MDFIC2: variants seen among roughly 807,000 people sequenced by gnomAD.
The protein encoded by MDFIC2 is myoD family inhibitor domain-containing protein 2.
chr3:70,254,895 T>C (rs1264337649), intron 2 of MDFIC2, among the ~76,000 whole-genome samples: 1 of 152,232 alleles, frequency 6.6e-6, no homozygotes, highest in African/African-American at 2.4e-5. Flanking sequence ...ATTGTCATTG[T>C]ATTTCCTTTT....
rs1235603639 is a variant in MDFIC2, at chr3:70,238,065, C to T, written c.89-31275G>A. On this transcript the variant is annotated intron_variant, in intron 2 of 3. Transcript: ENST00000567252. ...TGTACTTTATAGTGACGAACCTATT[C>T]TTTATACCTTGAGTGGAAATGGCTT... Among the ~76,000 whole-genome samples, 13 of 127,012 alleles carry T rather than the reference C, an allele frequency of 1.0e-4. 1 individual carries two copies. The South Asian group carries it at 3.5e-3, about 34-fold the overall frequency. 83.3% of individuals were successfully genotyped at this position (127,012 alleles called of 152,430 possible).
At chr3:70,266,338 G>A (rs888565342) in intron 2 of MDFIC2, among the ~76,000 whole-genome samples, 8 of 151,790 alleles carry the variant, frequency 5.3e-5, no homozygotes, top group South Asian at 2.1e-4. Context: ...AACTGTAATC[G>A]TTATTAAATA....
intron 2 of MDFIC2, among the ~76,000 whole-genome samples, chr3:70,274,763 T>G (rs980707408): frequency 4.6e-5 from 7 of 152,076 alleles, no homozygotes. Context: ...TTAAAACAAA[T>G]ATAAAAATAT....
At chr3:70,215,260 C>T (rs1701395380) in intron 2 of MDFIC2, among the ~76,000 whole-genome samples, 1 of 152,086 alleles carries the variant, frequency 6.6e-6, no homozygotes, top group East Asian at 1.9e-4. Flanking sequence ...GATTACCCCG[C>T]TGGTAAGGGG....
At chr3:70,214,477 G>A (rs1333857013) in intron 2 of MDFIC2, among the ~76,000 whole-genome samples, 3 of 151,996 alleles carry the variant, frequency 2.0e-5, no homozygotes, top group Non-Finnish European at 4.4e-5. Flanking sequence ...AGAAATAATA[G>A]AAGTGAGTGT....
chr3:70,310,154 G>GA (rs1201553719), intron 2 of MDFIC2, among the ~76,000 whole-genome samples: 1 of 151,828 alleles, frequency 6.6e-6, no homozygotes, highest in Non-Finnish European at 1.5e-5. Flanking sequence ...CTATTTAAAA[G>GA]ACCTTTTCAA....
intron 2 of MDFIC2, among the ~76,000 whole-genome samples, chr3:70,251,422 A>T (rs1347001011): frequency 1.3e-5 from 2 of 152,206 alleles, no homozygotes; most frequent in Non-Finnish European, 2.9e-5. Flanking sequence ...GGTTACAGAT[A>T]TATCAGGTAT....
At chr3:70,242,908 G>A (rs990727033) in intron 2 of MDFIC2, among the ~76,000 whole-genome samples, 4 of 152,116 alleles carry the variant, frequency 2.6e-5, no homozygotes, top group Non-Finnish European at 4.4e-5. Context: ...TGGCAGGGGT[G>A]TCTAGGCAGG....
chr3:70,216,308 T>C (rs1378330174), intron 2 of MDFIC2, among the ~76,000 whole-genome samples: 1 of 150,354 alleles, frequency 6.7e-6, no homozygotes, highest in Non-Finnish European at 1.5e-5. Context: ...ATACTACATA[T>C]TCTAATTATA....
At chr3:70,230,049 T>C (rs1255268277) in intron 2 of MDFIC2, among the ~76,000 whole-genome samples, 1 of 152,176 alleles carries the variant, frequency 6.6e-6, no homozygotes, top group African/African-American at 2.4e-5. Flanking sequence ...TTAGATGCTG[T>C]TGCTGCCATC....
At chr3:70,262,806 T>C (rs1701879355) in intron 2 of MDFIC2, among the ~76,000 whole-genome samples, 1 of 152,130 alleles carries the variant, frequency 6.6e-6, no homozygotes, top group African/African-American at 2.4e-5. Flanking sequence ...ATGTTCCATC[T>C]CTCTCCTCTC....
intron 2 of MDFIC2, among the ~76,000 whole-genome samples, chr3:70,274,745 C>A (rs1224697945): frequency 6.6e-6 from 1 of 152,076 alleles, no homozygotes; most frequent in Non-Finnish European, 1.5e-5. Context: ...GCACATGTAC[C>A]TTGGAACTTA....
At chr3:70,303,489 G>T (rs1429837086) in intron 2 of MDFIC2, among the ~76,000 whole-genome samples, 1 of 152,134 alleles carries the variant, frequency 6.6e-6, no homozygotes, top group Non-Finnish European at 1.5e-5. Flanking sequence ...ACCAGAACTA[G>T]ATTAGTTCCT....
At chr3:70,226,125 C>T (rs1701505301) in intron 2 of MDFIC2, among the ~76,000 whole-genome samples, 1 of 152,156 alleles carries the variant, frequency 6.6e-6, no homozygotes, top group Admixed American at 6.6e-5. Context: ...AACATCCCCA[C>T]CTAATAGATA....
chr3:70,217,910 C>A (rs1033609894), intron 2 of MDFIC2, among the ~76,000 whole-genome samples: 2 of 152,050 alleles, frequency 1.3e-5, no homozygotes, highest in African/African-American at 4.8e-5. Flanking sequence ...TTGTGATGTG[C>A]CTGTATAAAT....
chr3:70,240,954 G>A (rs1445099146), intron 2 of MDFIC2, among the ~76,000 whole-genome samples: 1 of 152,152 alleles, frequency 6.6e-6, no homozygotes, highest in African/African-American at 2.4e-5. Flanking sequence ...AATGAGCCAA[G>A]TTAATAGCTT....
intron 2 of MDFIC2, among the ~76,000 whole-genome samples, chr3:70,287,389 T>A (rs1702177535): frequency 6.6e-6 from 1 of 151,336 alleles, no homozygotes; most frequent in Admixed American, 6.6e-5. Flanking sequence ...GAACCAGCCT[T>A]GCATCCCAGG....
intron 2 of MDFIC2, among the ~76,000 whole-genome samples, chr3:70,280,182 T>C (rs1053922536): frequency 2.2e-4 from 34 of 152,126 alleles, no homozygotes; most frequent in African/African-American, 6.8e-4. Flanking sequence ...TCTGTCCCCA[T>C]GGTTGTATCA....
At chr3:70,272,988 C>G (rs1455086368) in intron 2 of MDFIC2, among the ~76,000 whole-genome samples, 1 of 152,146 alleles carries the variant, frequency 6.6e-6, no homozygotes, top group Non-Finnish European at 1.5e-5. Flanking sequence ...CGGCTTCAGT[C>G]CAGGTCAAAT....
Sources: allele counts gnomAD v4.1 joint callset (sites outside exome capture counted in the v4.1 genomes callset), GRCh38; gene constraint gnomAD v4.1.1; transcripts MANE v1.5; gene names NCBI Gene and HGNC (gene_info 2026-07-23, HGNC 2026-07-21).